LARGE1: variants seen among roughly 807,000 people sequenced by gnomAD.
LARGE1 encodes LARGE xylosyl- and glucuronyltransferase 1.
LARGE1 carries 43 observed loss-of-function variants against 87.6 expected under a neutral mutation model. That is an observed-to-expected ratio of 0.49 (90% CI 0.38 to 0.63). The LOEUF (loss-of-function observed/expected upper bound fraction) is 0.63, where lower values mean the gene tolerates loss of function less well. Among genes scored for constraint, LARGE1 ranks in the 30% least tolerant of loss-of-function variants. The pLI, the probability that LARGE1 is intolerant of heterozygous loss-of-function variation, is 0.00. For synonymous variants in LARGE1, 434 were observed against 394.6 expected (o/e 1.10, Z -1.18); for missense variants, 802 against 1,000.2 (o/e 0.80, Z 2.67).
intron 1 of LARGE1, among the ~76,000 whole-genome samples, chr22:33,785,800 T>C (rs2085622704): frequency 6.6e-6 from 1 of 152,152 alleles, no homozygotes; most frequent in Admixed American, 6.5e-5. Context: ...TGGCCCTGAA[T>C]CTTGTCAAAG....
chr22:33,106,506 CTTTTT>C, the LARGE1 span, among the ~76,000 whole-genome samples: 1 of 138,778 alleles, frequency 7.2e-6, no homozygotes, highest in East Asian at 2.1e-4. Context: ...TTTTTTTTTT[CTTTTT>C]TTGAGACGGA....
chr22:33,828,187 G>C (rs2062854466), intron 1 of LARGE1, among the ~76,000 whole-genome samples: 3 of 152,174 alleles, frequency 2.0e-5, no homozygotes, highest in African/African-American at 7.2e-5. Flanking sequence ...AGGACAGATG[G>C]GGTAATTCAC....
chr22:33,525,338 C>T (rs1261731836), intron 6 of LARGE1, among the ~76,000 whole-genome samples: 1 of 152,130 alleles, frequency 6.6e-6, no homozygotes, highest in Non-Finnish European at 1.5e-5. Context: ...TGATTTGCAG[C>T]ATAAGAAGTA....
At chr22:33,574,689 TGTGTGTGTG>T (rs2078301530) in intron 5 of LARGE1, among the ~76,000 whole-genome samples, 2 of 232 alleles carry the variant, frequency 8.6e-3, no homozygotes, top group Non-Finnish European at 0.02. Context: ...TAAACAATTG[TGTGTGTGTG>T]TGTGTGTGTG....
chr22:33,874,655 T>C (rs1361620448), intron 1 of LARGE1, among the ~76,000 whole-genome samples: 2 of 152,206 alleles, frequency 1.3e-5, no homozygotes, highest in African/African-American at 4.8e-5. Flanking sequence ...CTGGAAAGTG[T>C]GGAGTCAGGT....
At chr22:33,244,808 C>T (rs1457244307) in intron 11 of LARGE1, among the ~76,000 whole-genome samples, 1 of 151,998 alleles carries the variant, frequency 6.6e-6, no homozygotes, top group Non-Finnish European at 1.5e-5. Flanking sequence ...CACCAGGATG[C>T]TTCTAATCAT....
chr22:33,549,257 T>A (rs1172663976), intron 6 of LARGE1, among the ~76,000 whole-genome samples: 1 of 152,176 alleles, frequency 6.6e-6, no homozygotes, highest in African/African-American at 2.4e-5. Context: ...GCCACATATG[T>A]CTTTGTCATA....
intron 11 of LARGE1, among the ~76,000 whole-genome samples, chr22:33,252,656 C>T (rs1388017069): frequency 1.3e-5 from 2 of 151,986 alleles, no homozygotes; most frequent in African/African-American, 4.8e-5. Flanking sequence ...TAACATTTGC[C>T]CAAAGACGTG....
chr22:33,124,609 C>A, the LARGE1 span, among the ~76,000 whole-genome samples: 1 of 152,146 alleles, frequency 6.6e-6, no homozygotes, highest in Non-Finnish European at 1.5e-5. Flanking sequence ...ACCATTATCT[C>A]TCACCATTGC....
At chr22:33,438,840 C>A (rs2067366704) in intron 6 of LARGE1, among the ~76,000 whole-genome samples, 1 of 152,166 alleles carries the variant, frequency 6.6e-6, no homozygotes, top group South Asian at 2.1e-4. Context: ...CTTCTCTGAG[C>A]CTTGAGTTTC....
chr22:33,837,972 C>CT (rs1231082813), intron 1 of LARGE1, among the ~76,000 whole-genome samples: 1 of 152,218 alleles, frequency 6.6e-6, no homozygotes, highest in Non-Finnish European at 1.5e-5. Context: ...GCATGCCATA[C>CT]TTTCTCTCTG....
intron 3 of LARGE1, among the ~76,000 whole-genome samples, chr22:33,627,482 C>G (rs571590342): frequency 6.6e-6 from 1 of 152,216 alleles, no homozygotes; most frequent in Admixed American, 6.5e-5. Context: ...TTCAATACTT[C>G]CATTAAAGGA....
At chr22:33,738,114 G>T (rs553252933) in intron 2 of LARGE1, among the ~76,000 whole-genome samples, 1 of 152,280 alleles carries the variant, frequency 6.6e-6, no homozygotes, top group South Asian at 2.1e-4. Flanking sequence ...TCAGGTAATC[G>T]AATTTGGTTC....
chr22:33,408,231 C>T (rs919057807), intron 7 of LARGE1, among the ~76,000 whole-genome samples: 48 of 152,110 alleles, frequency 3.2e-4, no homozygotes, highest in South Asian at 1.0e-3. Context: ...GTGATCTACC[C>T]GCCTCGGCCC....
chr22:33,507,767 G>A (rs1303713482), intron 6 of LARGE1, among the ~76,000 whole-genome samples: 2 of 152,188 alleles, frequency 1.3e-5, no homozygotes, highest in African/African-American at 4.8e-5. Context: ...TCTGGTGGAA[G>A]ACACACATTC....
chr22:33,525,710 G>A lies in LARGE1; in HGVS notation c.787+39138C>T, dbSNP rs576283545. On this transcript the variant is annotated intron_variant, in intron 6 of 14. Transcript: ENST00000397394. ...GAGTGCTCAGAGAGGCTACGGGGACGGGAAGCTTCTGCAGGTCTTGACTCC... is the reference window on the plus strand; with the variant it reads ...GAGTGCTCAGAGAGGCTACGGGGACAGGAAGCTTCTGCAGGTCTTGACTCC... Among the ~76,000 whole-genome samples the A allele has an allele frequency of 2.0e-5, 3 of 152,200 alleles. No homozygotes were observed. The East Asian group carries it at 5.8e-4, about 29-fold the overall frequency.
chr22:33,553,562 C>G (rs1023475850), intron 6 of LARGE1, among the ~76,000 whole-genome samples: 1 of 152,088 alleles, frequency 6.6e-6, no homozygotes, highest in Non-Finnish European at 1.5e-5. Flanking sequence ...TTAATAACAG[C>G]AGAAGCTAAC....
intron 3 of LARGE1, among the ~76,000 whole-genome samples, chr22:33,648,719 G>A (rs2080698203): frequency 6.6e-6 from 1 of 152,190 alleles, no homozygotes; most frequent in Non-Finnish European, 1.5e-5. Flanking sequence ...AAAGACTAAA[G>A]GGCACTGGGC....
At chr22:33,237,558 T>TA (rs562568576) in intron 11 of LARGE1, among the ~76,000 whole-genome samples, 122 of 152,184 alleles carry the variant, frequency 8.0e-4, no homozygotes, top group African/African-American at 2.7e-3. Context: ...TAAGTATATT[T>TA]AAAATGAACA....
Sources: gnomAD v4.1 joint callset for allele counts (sites outside exome capture counted in the v4.1 genomes callset) on GRCh38, gnomAD v4.1.1 for gene constraint, MANE v1.5 for transcripts, NCBI Gene and HGNC (gene_info 2026-07-23, HGNC 2026-07-21) for gene names.